The following CARS1 variants were observed in gnomAD, a reference collection of about 807,000 sequenced individuals.
CARS1 encodes cysteinyl-tRNA synthetase 1.
CARS1 carries 48 observed loss-of-function variants against 106.2 expected under a neutral mutation model. The ratio of observed to expected loss-of-function variants is 0.45; its 90% confidence interval spans 0.36 to 0.57. The LOEUF (loss-of-function observed/expected upper bound fraction) is 0.57. Ranked by LOEUF, CARS1 falls within the 20% of genes least tolerant of loss-of-function variation. CARS1 has a pLI of 0.00. For synonymous variants in CARS1, 409 were observed against 403.4 expected (o/e 1.01, Z -0.17); for missense variants, 968 against 1,057.2 (o/e 0.92, Z 1.17).
At position 3,041,103 on chromosome 11, in the gene CARS1, A is replaced by G; in HGVS notation, c.367-119T>C. 1 of 1,519,516 alleles carries G rather than the reference A, an allele frequency of 6.6e-7. No homozygotes were observed. Among genetic ancestry groups the G allele is most frequent in the Non-Finnish European group, 9.0e-7 (1 of 1,115,330 alleles). 94.1% of individuals were successfully genotyped at this position (1,519,516 alleles called of 1,614,324 possible). ...GTGTTTAGTGTAAACAATTCAACAGAGACCATTTTGTTTTACTGTGAAAAG... is the reference window on the plus strand; with the variant it reads ...GTGTTTAGTGTAAACAATTCAACAGGGACCATTTTGTTTTACTGTGAAAAG... On this transcript the variant is annotated intron_variant, in intron 3 of 22. Coordinates refer to ENST00000380525, the MANE Select transcript of CARS1 (RefSeq NM_001014437.3). The surrounding 1 kb of genome is among the most constrained non-coding windows in gnomAD (Gnocchi z 4.9).
rs891526434 is a variant in CARS1 at position 3,045,842 on chromosome 11, A to T, written c.274+1911T>A. Among the ~76,000 whole-genome samples, 3 of 152,118 alleles carry T rather than the reference A, an allele frequency of 2.0e-5. No homozygotes were observed. The highest frequency in any genetic ancestry group is 1.3e-4 in the Admixed American group (2 of 15,268). On this transcript the variant is annotated intron_variant, in intron 2 of 22. Transcript: ENST00000380525. The surrounding 1 kb of genome is among the most constrained non-coding windows in gnomAD (Gnocchi z 5.6). The stretch of plus-strand genomic sequence containing the variant: ...GATTGTCACAGCTACATGGAGGGAG[A>T]TCCACAGCTACTGTCATCCCAGGGA...
chr11:3,002,565 C>T lies in CARS1; in HGVS notation c.2253G>A (p.Ala751=), dbSNP rs148386135. The T allele has an allele frequency of 5.7e-5, 92 of 1,614,062 alleles. No individual in the cohort carries two copies. Among genetic ancestry groups the T allele is most frequent in the South Asian group, 8.8e-5 (8 of 91,092 alleles). ...EEEKRKKKEE[A]ARRKQEQEAA... is the part of the protein sequence containing the mutation. ...CTTCTTGTTCCTGTTTCCTCCGGGCCGCCTCCTCTTTCTTCTTCCTCTTCT... is the reference window on the plus strand; with the variant it reads ...CTTCTTGTTCCTGTTTCCTCCGGGCTGCCTCCTCTTTCTTCTTCCTCTTCT... The change falls in exon 21 of 23, where the codon GCG becomes GCA. Residue 751 remains alanine, a synonymous_variant. Transcript: ENST00000380525.
At chr11:3,007,178 T>C (rs1300863358) in intron 18 of CARS1, 6 of 584,862 alleles carry the variant, frequency 1.0e-5, no homozygotes, top group Non-Finnish European at 1.8e-5. Flanking sequence ...GCCCAGAGAC[T>C]AGTGTCTCCC....
At position 3,006,937 on chromosome 11, in the gene CARS1, G is replaced by A. The variant is rs375211080; in HGVS notation, c.2091C>T (p.Ser697=). 6.6e-5 allele frequency: 107 copies of A among 1,613,842 alleles called. No homozygotes were observed. The highest frequency in any genetic ancestry group is 2.0e-4 in the Admixed American group (12 of 60,004). ...EQKVPEILQL[S]DALRDNILPE... ...GCAGGATGTTGTCCCGCAGGGCATC[G>A]CTGAGCTGCAGAATCTCAGGGACTG... Residue 697 remains serine, a synonymous_variant, in exon 19 of 23, where the codon AGC becomes AGT. Transcript: ENST00000380525.
chr11:3,005,107 CAAAAA>C (rs71035465), intron 20 of CARS1, among the ~76,000 whole-genome samples: 1 of 90,726 alleles, frequency 1.1e-5, no homozygotes, highest in Non-Finnish European at 2.1e-5. Context: ...GACTCCGTCT[CAAAAA>C]AAAAAAAAAA....
chr11:3,006,519 G>A (rs1281385465), intron 19 of CARS1, among the ~76,000 whole-genome samples: 2 of 152,254 alleles, frequency 1.3e-5, no homozygotes, highest in Non-Finnish European at 2.9e-5. Flanking sequence ...AGACCTCCAC[G>A]AAGTGGGAGA....
At position 3,045,934 on chromosome 11, in the gene CARS1, A is replaced by C. The variant is rs1393043911; in HGVS notation, c.274+1819T>G. On this transcript the variant is annotated intron_variant, in intron 2 of 22. Transcript: ENST00000380525. The surrounding 1 kb of genome is among the most constrained non-coding windows in gnomAD (Gnocchi z 5.6). ...CCCACTCGAGGTCACTGGATGCTCT[A>C]GCAGTCCCAGACTCCAGCTCCCACC... Among the ~76,000 whole-genome samples the C allele has an allele frequency of 3.3e-5, 5 of 152,152 alleles. No homozygotes were observed. The highest frequency in any genetic ancestry group is 5.9e-5 in the Non-Finnish European group (4 of 68,030).
chr11:3,042,127 A>C, intron 3 of CARS1, 38 bp downstream of exon 3: 1 of 1,508,722 alleles, frequency 6.6e-7, no homozygotes. Context: ...CTGCCTCCCC[A>C]TTGTGTGCGT....
rs76556231 is a variant in CARS1, at chr11:3,003,359, C to G, written c.2218-759G>C. ...GCCCAGTGGAGCTATCAGGTAGGCA[C>G]GCCCTCCATGGCAGGAAGGAGGAAC... On this transcript the variant is annotated intron_variant, in intron 20 of 22. Coordinates refer to ENST00000380525, the MANE Select transcript of CARS1 (RefSeq NM_001014437.3). This position sits in a 1 kb window ranked among gnomAD's most constrained non-coding sequence, Gnocchi z 4.8. Among the ~76,000 whole-genome samples the G allele has an allele frequency of 7.1e-3, 1,087 of 152,194 alleles. 10 individuals carry two copies. Among genetic ancestry groups the G allele is most frequent in the Non-Finnish European group, 9.7e-3 (659 of 68,008 alleles).
chr11:3,002,087 C>CTGCTCGG, intron 21 of CARS1, 34 bp from the exon 22 acceptor site: 1 of 1,418,396 alleles, frequency 7.1e-7, no homozygotes, highest in Non-Finnish European at 1.0e-6. Context: ...TCACTGCCCC[C>CTGCTCGG]GAGCAGCACC....
At chr11:3,014,099 G>C (rs916801387) in intron 17 of CARS1, among the ~76,000 whole-genome samples, 3 of 152,130 alleles carry the variant, frequency 2.0e-5, no homozygotes, top group African/African-American at 4.8e-5. Flanking sequence ...CCACCACACA[G>C]CCAGCCCAGA....
intron 10 of CARS1, among the ~76,000 whole-genome samples, chr11:3,025,044 CTAGGG>C (rs1405013090): frequency 6.6e-6 from 1 of 152,156 alleles, no homozygotes; most frequent in Non-Finnish European, 1.5e-5. Context: ...CACTCTGGTT[CTAGGG>C]TAGTGAAGCC....
Position 3,012,221 on chromosome 11 carries a change from A to G in CARS1, c.2042T>C (p.Val681Ala). 2 of 1,613,910 alleles carry G rather than the reference A, an allele frequency of 1.2e-6. No homozygotes were observed. The highest frequency in any genetic ancestry group is 1.1e-5 in the South Asian group (1 of 91,068). The change falls in exon 18 of 23, where the codon GTG becomes GCG. Residue 681 changes from valine to alanine, a missense_variant. Coordinates refer to ENST00000380525, the MANE Select transcript of CARS1 (RefSeq NM_001014437.3). ...LQVLSEFREG[V>A]RKIAREQKVP... ...TTTTTGCTCTCGGGCAATCTTCCGC[A>G]CTCCTTCTCGGAATTCTGATAACAC...
chr11:3,055,326 T>A (rs1277663134), intron 1 of CARS1, among the ~76,000 whole-genome samples: 1 of 152,214 alleles, frequency 6.6e-6, no homozygotes, highest in Non-Finnish European at 1.5e-5. Flanking sequence ...TAATTTTTTT[T>A]TTATTTTTAG....
chr11:3,029,563 A>C lies in CARS1; in HGVS notation c.802-120T>G, dbSNP rs762005774. The C allele has an allele frequency of 2.6e-4, 269 of 1,042,186 alleles. No homozygotes were observed. Among genetic ancestry groups the C allele is most frequent in the Non-Finnish European group, 3.5e-4 (253 of 719,176 alleles). 64.6% of individuals were successfully genotyped at this position (1,042,186 alleles called of 1,614,324 possible). Reference sequence around the variant, plus strand: ...CAAAGGTGCTGACCTTGACCTGTGAAGAGCCACCGTCTCCTAGGGAGACTG... The same window carrying C: ...CAAAGGTGCTGACCTTGACCTGTGACGAGCCACCGTCTCCTAGGGAGACTG... On this transcript the variant is annotated intron_variant, in intron 7 of 22. Coordinates refer to ENST00000380525, the MANE Select transcript of CARS1 (RefSeq NM_001014437.3). The surrounding 1 kb of genome is among the most constrained non-coding windows in gnomAD (Gnocchi z 5.9).
intron 10 of CARS1, among the ~76,000 whole-genome samples, chr11:3,026,427 T>C (rs1342192010): frequency 1.3e-5 from 2 of 152,196 alleles, no homozygotes; most frequent in South Asian, 2.1e-4. Flanking sequence ...GGTGTGCATG[T>C]ATTAAGACAT....
chr11:3,036,670 G>A (rs911612303), intron 7 of CARS1, among the ~76,000 whole-genome samples: 2 of 152,154 alleles, frequency 1.3e-5, no homozygotes, highest in African/African-American at 2.4e-5. Flanking sequence ...TTCCACTTCC[G>A]TGTATATCCC....
chr11:3,028,179 GC>G lies in CARS1; in HGVS notation c.1031+816del. ...TGCCTTGGCTGCCAGGCAGGGAAGG[GC>G]CCCCTGTCCAGTGGACACGTGACCC... On this transcript the variant is annotated intron_variant, in intron 9 of 22. Transcript: ENST00000380525. This position sits in a 1 kb window ranked among gnomAD's most constrained non-coding sequence, Gnocchi z 4.4. 3.2e-6 allele frequency: 1 copy of G among 316,210 alleles called. No individual in the cohort carries two copies. Among genetic ancestry groups the G allele is most frequent in the Non-Finnish European group, 6.1e-6 (1 of 164,222 alleles). 19.6% of individuals were successfully genotyped at this position (316,210 alleles called of 1,614,324 possible).
In CARS1 at chr11:3,017,461, GGA is replaced by G. The variant is rs1443661972; in HGVS notation, c.1728-168_1728-167del. On this transcript the variant is annotated intron_variant, in intron 15 of 22. Coordinates refer to ENST00000380525, the MANE Select transcript of CARS1 (RefSeq NM_001014437.3). The surrounding 1 kb of genome is among the most constrained non-coding windows in gnomAD (Gnocchi z 4.9). ...AGTTCGAGACCAGCCTGACAAACATGGAGAGACCCCCACCTCTACTAAAAATC... is the reference window on the plus strand; with the variant it reads ...AGTTCGAGACCAGCCTGACAAACATGGAGACCCCCACCTCTACTAAAAATC... The G allele has an allele frequency of 4.9e-6, 3 of 608,236 alleles. No homozygotes were observed. Among genetic ancestry groups the G allele is most frequent in the African/African-American group, 1.8e-5 (1 of 54,106 alleles). 37.7% of individuals were successfully genotyped at this position (608,236 alleles called of 1,614,324 possible).
Sources: allele counts gnomAD v4.1 joint callset (sites outside exome capture counted in the v4.1 genomes callset), GRCh38; gene constraint gnomAD v4.1.1; non-coding constraint Gnocchi (gnomAD v3.1); transcripts MANE v1.5; gene names NCBI Gene and HGNC (gene_info 2026-07-23, HGNC 2026-07-21).